The following CORO1C variants were observed in gnomAD, a reference collection of about 807,000 sequenced individuals.
CORO1C encodes coronin 1C.
In CORO1C, 14 loss-of-function variants were observed where a neutral mutation model predicts 51.2. That is an observed-to-expected ratio of 0.27 (90% confidence interval 0.18 to 0.43). The LOEUF (loss-of-function observed/expected upper bound fraction) is 0.43. CORO1C is among the 20% of genes least tolerant of loss of function. The pLI is 1.00. For missense variants in CORO1C, 417 were observed against 607.8 expected (o/e 0.69, Z 3.30); for synonymous variants, 181 against 210.5 (o/e 0.86, Z 1.21).
chr12:108,699,533 C>T (rs7952939), intron 2 of CORO1C, among the ~76,000 whole-genome samples: 4,634 of 152,244 alleles, frequency 0.03, 237 homozygotes, highest in African/African-American at 0.11. Flanking sequence ...AGTGTCTGAC[C>T]TTAGCTAACA....
intron 6 of CORO1C, among the ~76,000 whole-genome samples, chr12:108,656,026 G>T (rs1382179752): frequency 6.6e-6 from 1 of 151,708 alleles, no homozygotes; most frequent in African/African-American, 2.4e-5. Context: ...CCTCTGCCCG[G>T]CCGGGACCCC....
At chr12:108,679,109 C>CAAAAAAAAAAAAAAAAAAAAAAAAAAAA (rs1183326267) in intron 2 of CORO1C, among the ~76,000 whole-genome samples, 1 of 22,164 alleles carries the variant, frequency 4.5e-5, no homozygotes, top group African/African-American at 1.4e-4. Context: ...GACTCTGTCT[C>CAAAAAAAAAAAAAAAAAAAAAAAAAAAA]AAAAAAAAAA....
At chr12:108,688,193 G>A (rs1050509274) in intron 2 of CORO1C, among the ~76,000 whole-genome samples, 17 of 152,028 alleles carry the variant, frequency 1.1e-4, no homozygotes, top group African/African-American at 4.1e-4. Context: ...TTACAGGTGT[G>A]AGCCACCGTG....
At chr12:108,698,667 A>G (rs2034768584) in intron 2 of CORO1C, among the ~76,000 whole-genome samples, 1 of 152,228 alleles carries the variant, frequency 6.6e-6, no homozygotes, top group Non-Finnish European at 1.5e-5. Flanking sequence ...TCAGCCTCCC[A>G]AAGTGCTGGG....
chr12:108,654,430 AATACAT>A lies in CORO1C; in HGVS notation c.751-26_751-21del. ...ATTTTTCTGGGGGGAAGATAATAAT[AATACAT>A]ATATGTGTATGTATACATTTTTTTA... is the stretch of plus-strand genomic sequence containing the variant. On this transcript the variant is annotated intron_variant, in intron 6 of 10. Transcript: ENST00000261401. 7.3e-7 allele frequency: 1 copy of A among 1,372,002 alleles called. No individual in the cohort carries two copies. The highest frequency in any genetic ancestry group is 1.0e-6 in the Non-Finnish European group (1 of 960,534). 85.0% of individuals were successfully genotyped at this position (1,372,002 alleles called of 1,614,324 possible).
chr12:108,719,905 C>A (rs1239238402), intron 1 of CORO1C, among the ~76,000 whole-genome samples: 1 of 152,132 alleles, frequency 6.6e-6, no homozygotes, highest in Non-Finnish European at 1.5e-5. Context: ...GCTAACCAGG[C>A]CAGGCACAGT....
intron 2 of CORO1C, among the ~76,000 whole-genome samples, chr12:108,682,121 T>G (rs1379059388): frequency 1.4e-5 from 2 of 143,198 alleles, no homozygotes; most frequent in South Asian, 2.2e-4. Context: ...AAAGAGAAAA[T>G]AAAAAGAAAA....
chr12:108,716,240 A>C (rs1187479221), intron 1 of CORO1C, among the ~76,000 whole-genome samples: 3 of 150,304 alleles, frequency 2.0e-5, no homozygotes, highest in East Asian at 3.9e-4. Flanking sequence ...CACACTGTGT[A>C]TGACAGTTCA....
At chr12:108,650,285 G>C (rs1428335722) in intron 8 of CORO1C, among the ~76,000 whole-genome samples, 3 of 134,212 alleles carry the variant, frequency 2.2e-5, no homozygotes, top group Non-Finnish European at 4.6e-5. Flanking sequence ...CTGGGCTCAA[G>C]CCAAATCCTC....
At chr12:108,691,723 A>G (rs1320574995) in intron 2 of CORO1C, among the ~76,000 whole-genome samples, 3 of 152,158 alleles carry the variant, frequency 2.0e-5, no homozygotes, top group African/African-American at 7.2e-5. Flanking sequence ...GGTAAAAACC[A>G]CTGTCAGAGC....
Position 108,701,509 on chromosome 12 carries a change from C to T in CORO1C, c.-5-186G>A, listed in dbSNP as rs753543104. Reference sequence around the variant, plus strand: ...CATACCCGGAGACAACTGCAAAATGCGTCAGGGAAAGAATTACAAAGAAAT... The same window carrying T: ...CATACCCGGAGACAACTGCAAAATGTGTCAGGGAAAGAATTACAAAGAAAT... On this transcript the variant is annotated intron_variant, in intron 1 of 10. Transcript: ENST00000261401. 1.3e-5 allele frequency: 10 copies of T among 757,594 alleles called. 1 individual carries two copies. Among genetic ancestry groups the T allele is most frequent in the Non-Finnish European group, 2.1e-5 (10 of 485,834 alleles). 46.9% of individuals were successfully genotyped at this position (757,594 alleles called of 1,614,324 possible). A position where few individuals can be genotyped will look rare whatever the true frequency, so the allele number is the denominator to read the frequency against.
intron 3 of CORO1C, among the ~76,000 whole-genome samples, chr12:108,671,529 G>A (rs2033720512): frequency 6.7e-6 from 1 of 149,360 alleles, no homozygotes. Context: ...TATATTGAAA[G>A]AGCATATCAT....
chr12:108,730,842 G>A, intron 1 of CORO1C: 1 of 149,760 alleles, frequency 6.7e-6, no homozygotes, highest in Non-Finnish European at 1.5e-5. Flanking sequence ...AGCTGGTCTC[G>A]CACCCAAAGC....
At chr12:108,670,819 A>G (rs1422409462) in intron 3 of CORO1C, among the ~76,000 whole-genome samples, 1 of 152,080 alleles carries the variant, frequency 6.6e-6, no homozygotes, top group Non-Finnish European at 1.5e-5. Flanking sequence ...CATTATAGTG[A>G]TTCAAAATAA....
At chr12:108,730,250 C>T (rs2035687072) in intron 1 of CORO1C, 1 of 152,244 alleles carries the variant, frequency 6.6e-6, no homozygotes, top group Admixed American at 6.5e-5. Flanking sequence ...GGGCAGCCTA[C>T]ATTACGGCCA....
At chr12:108,694,911 AGTCT>A (rs2034624210) in intron 2 of CORO1C, among the ~76,000 whole-genome samples, 1 of 152,362 alleles carries the variant, frequency 6.6e-6, no homozygotes, top group Non-Finnish European at 1.5e-5. Flanking sequence ...CACGTAATAC[AGTCT>A]AAGAATATAT....
chr12:108,695,317 T>C (rs1296238927), intron 2 of CORO1C, among the ~76,000 whole-genome samples: 1 of 152,180 alleles, frequency 6.6e-6, no homozygotes. Context: ...CCATACCCTA[T>C]GGTTACACAG....
chr12:108,689,622 C>T (rs896099447), intron 2 of CORO1C, among the ~76,000 whole-genome samples: 1 of 152,204 alleles, frequency 6.6e-6, no homozygotes, highest in Non-Finnish European at 1.5e-5. Flanking sequence ...GGTTACACCA[C>T]CCGAAGATGT....
chr12:108,671,782 A>C (rs532085250), intron 3 of CORO1C, among the ~76,000 whole-genome samples: 6 of 152,306 alleles, frequency 3.9e-5, no homozygotes, highest in South Asian at 4.1e-4. Flanking sequence ...ATTTAGAGAC[A>C]GGATTGGTCT....
Sources: gnomAD v4.1 joint callset for allele counts (sites outside exome capture counted in the v4.1 genomes callset) on GRCh38, gnomAD v4.1.1 for gene constraint, MANE v1.5 for transcripts, NCBI Gene and HGNC (gene_info 2026-07-23, HGNC 2026-07-21) for gene names.